MYO3A: variants seen among roughly 807,000 people sequenced by gnomAD.
MYO3A encodes myosin-IIIa.
MYO3A carries 180 observed loss-of-function variants against 192.7 expected under a neutral mutation model. The ratio of observed to expected loss-of-function variants is 0.93; its 90% CI spans 0.83 to 1.06. MYO3A has a LOEUF of 1.06. MYO3A is among the 50% of genes least tolerant of loss of function. The pLI is 0.00. For missense variants in MYO3A, 1,896 were observed against 1,905.0 expected (o/e 1.00, Z 0.09); for synonymous variants, 628 against 645.3 (o/e 0.97, Z 0.41).
At chr10:26,097,821 A>G (rs543594852) in intron 17 of MYO3A, among the ~76,000 whole-genome samples, 10 of 152,230 alleles carry the variant, frequency 6.6e-5, no homozygotes, top group African/African-American at 1.9e-4. Context: ...AGTCTTTGCT[A>G]TTGTGAATAG....
Position 26,192,624 on chromosome 10 carries a change from TCCTC to T in MYO3A, c.4439-565_4439-562del, listed in dbSNP as rs200465601. Reference sequence around the variant, plus strand: ...TATGCATTCTTTCTCGTTCTTTCCTTCCTCCCTCCCTCCCTCCCTTCCTTTCTTT... The same window carrying T: ...TATGCATTCTTTCTCGTTCTTTCCTTCCTCCCTCCCTCCCTTCCTTTCTTT... On this transcript the variant is annotated intron_variant, in intron 31 of 34. Transcript: ENST00000642920. 3.6e-3 allele frequency among the ~76,000 whole-genome samples: 542 copies of T among 150,680 alleles called. 5 individuals carry two copies. The highest frequency in any genetic ancestry group is 0.012 in the African/African-American group (501 of 41,066).
rs936869092 is a variant in MYO3A at position 26,138,337 on chromosome 10, G to A, written c.2263-5111G>A. On this transcript the variant is annotated intron_variant, in intron 20 of 34. Coordinates refer to ENST00000642920, the MANE Select transcript of MYO3A (RefSeq NM_017433.5). ...TGAAATATTGGGGGCAGGTTCCCCC[G>A]ATAGTTCACCATTATTCTAGTCCAT... is the stretch of plus-strand genomic sequence containing the variant. Among the ~76,000 whole-genome samples, 17 of 152,262 alleles carry A rather than the reference G, an allele frequency of 1.1e-4. No individual in the cohort carries two copies. The South Asian group carries it at 2.3e-3, about 20-fold the overall frequency.
At chr10:26,026,355 A>T (rs202128167) in intron 9 of MYO3A, 22 bp from the exon 10 acceptor site, 4 of 1,613,674 alleles carry the variant, frequency 2.5e-6, no homozygotes, top group Middle Eastern at 1.7e-4. Context: ...TAATAATTGC[A>T]TGTTCTTTTT....
chr10:25,936,487 TG>T lies in MYO3A; in HGVS notation c.-18+658del, dbSNP rs1489654674. Among the ~76,000 whole-genome samples the T allele has an allele frequency of 2.6e-5, 4 of 152,338 alleles. No homozygotes were observed. The East Asian group carries it at 5.8e-4, about 22-fold the overall frequency. On this transcript the variant is annotated intron_variant, in intron 2 of 34. Coordinates refer to ENST00000642920, the MANE Select transcript of MYO3A (RefSeq NM_017433.5). Reference sequence around the variant, plus strand: ...TAAACAAGGATCCTTTCATTAGTTTTGTCCGGGAATTGATAATTTGAATGAT... The same window carrying T: ...TAAACAAGGATCCTTTCATTAGTTTTTCCGGGAATTGATAATTTGAATGAT...
intron 30 of MYO3A, among the ~76,000 whole-genome samples, chr10:26,175,520 C>T (rs1442381760): frequency 6.6e-6 from 1 of 152,150 alleles, no homozygotes; most frequent in East Asian, 1.9e-4. Flanking sequence ...AGTCCCTAAA[C>T]TCCCCTTTTT....
At chr10:26,048,670 T>A (rs560443981) in intron 10 of MYO3A, among the ~76,000 whole-genome samples, 1 of 152,278 alleles carries the variant, frequency 6.6e-6, no homozygotes, top group African/African-American at 2.4e-5. Flanking sequence ...CTCTTGTATT[T>A]ATTCATATAG....
In MYO3A at chr10:26,166,174, CA is replaced by C; in HGVS notation, c.3111del (p.Val1038CysfsTer11). The C allele has an allele frequency of 6.2e-7, 1 of 1,606,360 alleles. No individual in the cohort carries two copies. Among genetic ancestry groups the C allele is most frequent in the Non-Finnish European group, 8.5e-7 (1 of 1,173,296 alleles). On this transcript the variant is annotated frameshift_variant, in exon 27 of 35. Transcript: ENST00000642920. LOFTEE classifies it high-confidence loss of function. ...AGLDNWALGK[T>X]KVFLKYYHVE... ...CTCGATAACTGGGCTCTTGGAAAAA[CA>C]AAAGTAATGTTTTCATGTAATTTTC...
At position 26,088,404 on chromosome 10, in the gene MYO3A, A is replaced by G. The variant is rs1198353048; in HGVS notation, c.1561A>G (p.Ile521Val). ...LEKSRVIHQA[I>V]GEKNFHIFYY... Reference sequence around the variant, plus strand: ...AAAATCCCGAGTTATCCACCAAGCTATGTAAGTTTATTTCAAATCTCTCCT... The same window carrying G: ...AAAATCCCGAGTTATCCACCAAGCTGTGTAAGTTTATTTCAAATCTCTCCT... Residue 521 changes from isoleucine (I) to valine (V), a missense_variant and splice_region_variant, in exon 15 of 35, where the codon ATT (isoleucine) becomes GTT (valine). Transcript: ENST00000642920. 6.2e-7 allele frequency: 1 copy of G among 1,611,984 alleles called. No individual in the cohort carries two copies. Among genetic ancestry groups the G allele is most frequent in the African/African-American group, 1.3e-5 (1 of 74,876 alleles).
chr10:26,045,575 G>A (rs72793991), intron 10 of MYO3A, among the ~76,000 whole-genome samples: 24,732 of 152,074 alleles, frequency 0.16, 2,303 homozygotes, highest in Non-Finnish European at 0.21. Context: ...CTTTGGAACA[G>A]CTTCAGAGTG....
chr10:26,178,454 A>C (rs1253876591), intron 31 of MYO3A, among the ~76,000 whole-genome samples: 5 of 151,858 alleles, frequency 3.3e-5, no homozygotes, highest in Non-Finnish European at 7.4e-5. Context: ...CTGGAGGCTG[A>C]GGCAAGTAGA....
In MYO3A at chr10:26,157,512, A is replaced by G. The variant is rs527537774; in HGVS notation, c.2996A>G (p.Lys999Arg). ...SHRILFANFI[K>R]RYYLLCYKSS... Reference sequence around the variant, plus strand: ...CGGATACTTTTTGCTAACTTTATAAAGCGGTATGTGGATTTCTTTTTCAGT... The same window carrying G: ...CGGATACTTTTTGCTAACTTTATAAGGCGGTATGTGGATTTCTTTTTCAGT... The change falls in exon 26 of 35, where the codon AAG becomes AGG. Residue 999 changes from lysine (K) to arginine (R), a missense_variant. Physicochemically the swap from Lys to Arg is conservative, Grantham distance 26. Transcript: ENST00000642920. The G allele has an allele frequency of 3.7e-6, 6 of 1,613,334 alleles. No individual in the cohort carries two copies. In the African/African-American group the frequency reaches 8.0e-5, roughly 21 times the overall value.
At chr10:26,133,066 A>G (rs1839633203) in intron 20 of MYO3A, among the ~76,000 whole-genome samples, 1 of 152,268 alleles carries the variant, frequency 6.6e-6, no homozygotes, top group South Asian at 2.1e-4. Flanking sequence ...ATGATTAAAA[A>G]TAACCCCCTT....
chr10:26,084,469 G>C (rs1836176807), intron 14 of MYO3A, among the ~76,000 whole-genome samples: 1 of 151,964 alleles, frequency 6.6e-6, no homozygotes, highest in Non-Finnish European at 1.5e-5. Context: ...TGTAGTTGAA[G>C]GTATTCCCTC....
chr10:26,151,549 T>C (rs1002555644), intron 23 of MYO3A, among the ~76,000 whole-genome samples: 2 of 152,226 alleles, frequency 1.3e-5, no homozygotes, highest in Non-Finnish European at 2.9e-5. Flanking sequence ...CAACTTATTG[T>C]TTTTCTTTAT....
At chr10:26,119,976 C>T (rs1025836135) in intron 17 of MYO3A, among the ~76,000 whole-genome samples, 4 of 144,806 alleles carry the variant, frequency 2.8e-5, no homozygotes, top group Non-Finnish European at 4.5e-5. Context: ...GGCAACATGG[C>T]GAGATCCTGT....
intron 6 of MYO3A, among the ~76,000 whole-genome samples, chr10:26,010,506 C>A (rs1841579262): frequency 6.8e-6 from 1 of 147,758 alleles, no homozygotes; most frequent in African/African-American, 2.5e-5. Flanking sequence ...CTCTGTTGCC[C>A]AGGCTGGAGC....
rs1220537263 is a variant in MYO3A, at chr10:26,211,874, G to A, written c.4762G>A (p.Glu1588Lys). The A allele has an allele frequency of 6.2e-7, 1 of 1,613,974 alleles. No individual in the cohort carries two copies. The highest frequency in any genetic ancestry group is 1.3e-5 in the African/African-American group (1 of 74,920). The change falls in exon 35 of 35, where the codon GAG becomes AAG. Residue 1588 changes from glutamate to lysine, a missense_variant. Transcript: ENST00000642920. The stretch of plus-strand genomic sequence containing the variant: ...GGCGGCGGAGAGCCCCGAGAAGGAG[G>A]AGGAGAGAGAGCCAGCAGCCAACCC... Reference protein sequence around the residue: ...CWAAESPEKEEEREPAANPYD... With the variant: ...CWAAESPEKEKEREPAANPYD...
chr10:26,053,279 G>A (rs187152345), intron 10 of MYO3A, among the ~76,000 whole-genome samples: 57 of 152,228 alleles, frequency 3.7e-4, no homozygotes, highest in Admixed American at 6.5e-5. Flanking sequence ...TAACCAGAGT[G>A]TAAAAATAAA....
At chr10:26,135,304 T>C (rs931183475) in intron 20 of MYO3A, among the ~76,000 whole-genome samples, 1 of 152,036 alleles carries the variant, frequency 6.6e-6, no homozygotes, top group Non-Finnish European at 1.5e-5. Context: ...TTCTTCTTCA[T>C]AGGATATTAC....
Sources: allele counts gnomAD v4.1 joint callset (sites outside exome capture counted in the v4.1 genomes callset), GRCh38; gene constraint gnomAD v4.1.1; transcripts MANE v1.5; gene names NCBI Gene and HGNC (gene_info 2026-07-23, HGNC 2026-07-21).